Variants in DENND1A observed in about 807,000 individuals in gnomAD.
DENND1A encodes the protein DENN domain containing 1A, also known as DENN domain-containing protein 1A.
A neutral mutation model predicts 113.7 loss-of-function variants in DENND1A; 51 were observed. The ratio of observed to expected loss-of-function variants is 0.45; its 90% CI spans 0.36 to 0.57. The LOEUF is 0.57. Ranked by LOEUF, DENND1A falls within the 20% of genes least tolerant of loss-of-function variation. The pLI is 0.00. For synonymous variants in DENND1A, 565 were observed against 570.8 expected (o/e 0.99, Z 0.14); for missense variants, 1,258 against 1,395.9 (o/e 0.90, Z 1.57).
At chr9:123,876,182 A>G (rs1312437432) in intron 2 of DENND1A, among the ~76,000 whole-genome samples, 2 of 152,230 alleles carry the variant, frequency 1.3e-5, no homozygotes, top group African/African-American at 4.8e-5. Context: ...GGAACTTTCT[A>G]CAAAACAACA....
At chr9:123,531,531 C>T (rs113093399) in intron 13 of DENND1A, among the ~76,000 whole-genome samples, 7 of 148,066 alleles carry the variant, frequency 4.7e-5, no homozygotes, top group Admixed American at 2.1e-4. Context: ...TTGGCTTTAT[C>T]CTTCTCTTCC....
intron 11 of DENND1A, among the ~76,000 whole-genome samples, chr9:123,586,848 C>T (rs922395996): frequency 1.4e-4 from 21 of 152,066 alleles, no homozygotes; most frequent in African/African-American, 5.1e-4. Context: ...CAGTCAGGGA[C>T]ACTAGCATCT....
chr9:123,736,190 G>A (rs1204309912), intron 5 of DENND1A, among the ~76,000 whole-genome samples: 1 of 152,182 alleles, frequency 6.6e-6, no homozygotes, highest in Non-Finnish European at 1.5e-5. Flanking sequence ...AGGTCTTCAA[G>A]TCAGTGTATG....
chr9:123,752,106 G>A (rs1377681046), intron 5 of DENND1A, among the ~76,000 whole-genome samples: 1 of 151,806 alleles, frequency 6.6e-6, no homozygotes, highest in African/African-American at 2.4e-5. Flanking sequence ...TTTTATATTT[G>A]GTAAATGACA....
intron 2 of DENND1A, among the ~76,000 whole-genome samples, chr9:123,870,003 C>CAAAAAA (rs11430845): frequency 1.0e-4 from 8 of 78,574 alleles, no homozygotes; most frequent in South Asian, 4.4e-4. Context: ...GACCCTGTCT[C>CAAAAAA]AAAAAAAAAA....
chr9:123,909,063 C>A (rs1205662855), intron 1 of DENND1A, among the ~76,000 whole-genome samples: 2 of 152,008 alleles, frequency 1.3e-5, no homozygotes, highest in Non-Finnish European at 2.9e-5. Flanking sequence ...ATGGATGAAA[C>A]TGGAAATCAT....
intron 3 of DENND1A, among the ~76,000 whole-genome samples, chr9:123,777,260 T>C (rs1490817723): frequency 6.6e-6 from 1 of 152,186 alleles, no homozygotes. Flanking sequence ...GCCCCAGCCT[T>C]CATTTCTGTA....
rs530325753 is a variant in DENND1A at position 123,905,240 on chromosome 9, C to T, written c.17+24649G>A. ...CATGGAAAGGAACAATGGTACCAGC[C>T]GCTGCAAAATCATGCCAAAATGTAA... On this transcript the variant is annotated intron_variant, in intron 1 of 23. Coordinates refer to ENST00000394215, the MANE Select transcript of DENND1A (RefSeq NM_001352964.2). Among the ~76,000 whole-genome samples the T allele has an allele frequency of 2.3e-3, 346 of 152,000 alleles. 3 individuals carry two copies. Among genetic ancestry groups the T allele is most frequent in the African/African-American group, 7.7e-3 (318 of 41,430 alleles).
chr9:123,832,784 A>G (rs758061767), intron 2 of DENND1A, among the ~76,000 whole-genome samples: 1 of 152,224 alleles, frequency 6.6e-6, no homozygotes, highest in Non-Finnish European at 1.5e-5. Context: ...CTCCATCTAT[A>G]TAACTCCATG....
intron 13 of DENND1A, among the ~76,000 whole-genome samples, chr9:123,486,262 T>A (rs1344679685): frequency 1.3e-5 from 2 of 152,122 alleles, no homozygotes; most frequent in East Asian, 1.9e-4. Flanking sequence ...GGCCCCACCC[T>A]GAACTTGAGC....
chr9:123,420,817 C>A (rs1037494557), intron 19 of DENND1A, among the ~76,000 whole-genome samples: 1 of 90,522 alleles, frequency 1.1e-5, no homozygotes, highest in Non-Finnish European at 2.1e-5. Flanking sequence ...GGGAAGGCTG[C>A]GTGGGGGCCG....
intron 20 of DENND1A, 98 bp from the exon 21 acceptor site, chr9:123,403,588 C>A (rs1258602528): frequency 1.8e-6 from 2 of 1,127,744 alleles, no homozygotes; most frequent in East Asian, 5.1e-5. Context: ...CCCCAAAAAA[C>A]GTTTAGGGAT....
chr9:123,485,198 T>G (rs2050693675), intron 13 of DENND1A, among the ~76,000 whole-genome samples: 1 of 152,120 alleles, frequency 6.6e-6, no homozygotes, highest in African/African-American at 2.4e-5. Context: ...TCTCTTGAAA[T>G]CAGAAGGCTT....
intron 22 of DENND1A, among the ~76,000 whole-genome samples, chr9:123,387,269 GT>G (rs1235533420): frequency 6.6e-6 from 1 of 152,202 alleles, no homozygotes; most frequent in Admixed American, 6.5e-5. Flanking sequence ...TCTTTAAAAA[GT>G]CAGGCAGATC....
At chr9:123,928,822 T>G (rs1448118509) in intron 1 of DENND1A, 1 of 985,342 alleles carries the variant, frequency 1.0e-6, no homozygotes, top group Non-Finnish European at 1.2e-6. Flanking sequence ...ATTCTCAAAA[T>G]GCTGAAATAA....
intron 3 of DENND1A, among the ~76,000 whole-genome samples, chr9:123,787,863 AT>A (rs1832427603): frequency 6.6e-6 from 1 of 152,200 alleles, no homozygotes; most frequent in Admixed American, 6.5e-5. Flanking sequence ...TAGTTTCTAT[AT>A]AAAGATTTCC....
intron 9 of DENND1A, among the ~76,000 whole-genome samples, chr9:123,632,668 T>C (rs373535268): frequency 6.6e-6 from 1 of 152,100 alleles, no homozygotes; most frequent in East Asian, 1.9e-4. Context: ...CAGCCCACGG[T>C]CTAGCTTTAC....
intron 2 of DENND1A, among the ~76,000 whole-genome samples, chr9:123,859,158 C>A (rs1029786129): frequency 6.6e-6 from 1 of 152,080 alleles, no homozygotes; most frequent in East Asian, 1.9e-4. Context: ...CTGACATTTT[C>A]TTTATAAAAG....
chr9:123,469,636 G>GT (rs528236484), intron 13 of DENND1A, among the ~76,000 whole-genome samples: 44 of 152,340 alleles, frequency 2.9e-4, no homozygotes, highest in East Asian at 2.7e-3. Flanking sequence ...GCATACTAGC[G>GT]TAAGATTTTC....
Sources: gnomAD v4.1 joint callset for allele counts (sites outside exome capture counted in the v4.1 genomes callset) on GRCh38, gnomAD v4.1.1 for gene constraint, MANE v1.5 for transcripts, NCBI Gene and HGNC (gene_info 2026-07-23, HGNC 2026-07-21) for gene names.